RANBP3L: variants seen among roughly 807,000 people sequenced by gnomAD.
The protein encoded by RANBP3L is RAN binding protein 3 like, also known as ran-binding protein 3-like.
A neutral mutation model predicts 67.2 loss-of-function variants in RANBP3L; 56 were observed. That is an observed-to-expected ratio of 0.83 (90% CI 0.67 to 1.04). The LOEUF is 1.04. Among genes scored for constraint, RANBP3L ranks in the 50% least tolerant of loss-of-function variants. The pLI, the probability that RANBP3L is intolerant of heterozygous loss-of-function variation, is 0.00. For missense variants in RANBP3L, 496 were observed against 535.5 expected (o/e 0.93, Z 0.73); for synonymous variants, 164 against 181.4 (o/e 0.90, Z 0.77).
intron 3 of RANBP3L, among the ~76,000 whole-genome samples, 178 bp from the exon 4 acceptor site, chr5:36,269,645 A>G (rs1418728995): frequency 6.6e-6 from 1 of 152,194 alleles, no homozygotes; most frequent in Non-Finnish European, 1.5e-5. Context: ...GGCATATCAT[A>G]CTAGTATGAA....
rs1393415752 is a variant in RANBP3L at position 36,251,444 on chromosome 5, G to A, written c.1223C>T (p.Ala408Val). 1.2e-6 allele frequency: 2 copies of A among 1,612,664 alleles called. No homozygotes were observed. The highest frequency in any genetic ancestry group is 2.2e-5 in the South Asian group (2 of 90,890). The stretch of plus-strand genomic sequence containing the variant: ...TCTCTGCTTATTGAAGCTTTGAAGT[G>A]CAACAAGACGATGATGTATTGCTGC... ...LYAAIHHRLV[A>V]LQSFNKQRDV... The change falls in exon 13 of 14, where the codon GCA becomes GTA. Residue 408 changes from alanine to valine, a missense_variant. Transcript: ENST00000296604.
intron 1 of RANBP3L, among the ~76,000 whole-genome samples, chr5:36,294,034 A>G (rs886345231): frequency 8.6e-5 from 13 of 151,676 alleles, no homozygotes; most frequent in African/African-American, 3.2e-4. Context: ...CTCTTCCTGG[A>G]CTCTTTTTGG....
intron 1 of RANBP3L, among the ~76,000 whole-genome samples, chr5:36,299,089 A>C (rs541175292): frequency 1.8e-4 from 28 of 152,234 alleles, no homozygotes; most frequent in African/African-American, 6.5e-4. Context: ...AGGCAAAAAA[A>C]CGTGAAAAGG....
At chr5:36,276,733 AT>A (rs1320081940) in intron 1 of RANBP3L, among the ~76,000 whole-genome samples, 1 of 151,988 alleles carries the variant, frequency 6.6e-6, no homozygotes, top group Non-Finnish European at 1.5e-5. Flanking sequence ...TAACTGGAGG[AT>A]TTTTTTGCTG....
In RANBP3L at chr5:36,259,816, T is replaced by G. The variant is rs140284669; in HGVS notation, c.669+964A>C. Among the ~76,000 whole-genome samples the G allele has an allele frequency of 2.8e-4, 43 of 152,240 alleles. No homozygotes were observed. The East Asian group carries it at 8.3e-3, about 29-fold the overall frequency. ...CCAGATAAAACCATAGGCATGGTTT[T>G]CCACAGCTTTCACTTTTCTGTAAAA... On this transcript the variant is annotated intron_variant, in intron 8 of 13. Transcript: ENST00000296604.
intron 1 of RANBP3L, among the ~76,000 whole-genome samples, chr5:36,283,988 C>CT (rs547957841): frequency 0.036 from 5,293 of 145,560 alleles, 211 homozygotes; most frequent in East Asian, 0.15. Flanking sequence ...TCCTCACTTC[C>CT]TTTTTTTTTT....
At position 36,247,788 on chromosome 5, in the gene RANBP3L, T is replaced by G. The variant is rs1053145379; in HGVS notation, c.*1866A>C. On this transcript the variant is annotated 3_prime_UTR_variant, in exon 14 of 14. Transcript: ENST00000296604. ...AATCCCAGCTACTCAGGAGGCTGAGTGAGGCACGAGAATCCCTTGAACCCG... is the reference window on the plus strand; with the variant it reads ...AATCCCAGCTACTCAGGAGGCTGAGGGAGGCACGAGAATCCCTTGAACCCG... 6.6e-6 allele frequency among the ~76,000 whole-genome samples: 1 copy of G among 152,086 alleles called. No individual in the cohort carries two copies. The highest frequency in any genetic ancestry group is 6.5e-5 in the Admixed American group (1 of 15,274).
intron 8 of RANBP3L, among the ~76,000 whole-genome samples, chr5:36,259,725 T>C (rs1394233334): frequency 2.0e-5 from 3 of 152,292 alleles, no homozygotes; most frequent in South Asian, 2.1e-4. Context: ...GCTAGGCACG[T>C]TCGAGCTATC....
chr5:36,279,140 A>C (rs1287539187), intron 1 of RANBP3L, among the ~76,000 whole-genome samples: 1 of 152,208 alleles, frequency 6.6e-6, no homozygotes, highest in Non-Finnish European at 1.5e-5. Context: ...GAGGAGATAC[A>C]GAAAGTCAGA....
At chr5:36,267,317 G>C (rs1749871705) in intron 4 of RANBP3L, among the ~76,000 whole-genome samples, 1 of 152,072 alleles carries the variant, frequency 6.6e-6, no homozygotes, top group South Asian at 2.1e-4. Context: ...AACCATCCTG[G>C]CCGAAATGGT....
At chr5:36,283,349 C>T (rs1453235366) in intron 1 of RANBP3L, among the ~76,000 whole-genome samples, 1 of 150,880 alleles carries the variant, frequency 6.6e-6, no homozygotes. Context: ...TGAGCCACCA[C>T]ACCCAGCACG....
intron 1 of RANBP3L, among the ~76,000 whole-genome samples, chr5:36,286,832 C>T (rs983861510): frequency 6.6e-6 from 1 of 152,112 alleles, no homozygotes; most frequent in Non-Finnish European, 1.5e-5. Context: ...GTGGCATGAC[C>T]CACTCCCTCA....
Position 36,293,758 on chromosome 5 carries a change from A to G in RANBP3L, c.91+7568T>C, listed in dbSNP as rs983507119. Among the ~76,000 whole-genome samples the G allele has an allele frequency of 6.4e-3, 956 of 149,196 alleles. 4 individuals carry two copies. The highest frequency in any genetic ancestry group is 9.9e-3 in the Non-Finnish European group (667 of 67,234). ...GCATCCCAGGGATGAAGCCCACTTG[A>G]TCATGGTGGATAAGCTTTTTGATAT... On this transcript the variant is annotated intron_variant, in intron 1 of 13. Transcript: ENST00000296604.
At position 36,248,729 on chromosome 5, in the gene RANBP3L, T is replaced by C. The variant is rs1036236468; in HGVS notation, c.*925A>G. 1 of 152,178 alleles carries C rather than the reference T, an allele frequency of 6.6e-6. No homozygotes were observed. The highest frequency in any genetic ancestry group is 2.4e-5 in the African/African-American group (1 of 41,454). 9.4% of individuals were successfully genotyped at this position (152,178 alleles called of 1,614,324 possible). ...TGAATTGAAAAATGAAATAGGGCTATAAGTACTGAGACTAATTTTCTTGTG... is the reference window on the plus strand; with the variant it reads ...TGAATTGAAAAATGAAATAGGGCTACAAGTACTGAGACTAATTTTCTTGTG... On this transcript the variant is annotated 3_prime_UTR_variant, in exon 14 of 14. Coordinates refer to ENST00000296604, the MANE Select transcript of RANBP3L (RefSeq NM_145000.5).
rs1748381802 is a variant in RANBP3L at position 36,248,051 on chromosome 5, A to C, written c.*1603T>G. Among the ~76,000 whole-genome samples the C allele has an allele frequency of 6.6e-6, 1 of 152,216 alleles. No homozygotes were observed. Among genetic ancestry groups the C allele is most frequent in the Non-Finnish European group, 1.5e-5 (1 of 68,032 alleles). On this transcript the variant is annotated 3_prime_UTR_variant, in exon 14 of 14. Transcript: ENST00000296604. ...ATCTCTCTGTGTTATGTTTCTAATG[A>C]AAATTTTCTGCTGAGTGTGTTCCGC... is the stretch of plus-strand genomic sequence containing the variant.
At chr5:36,263,891 A>G (rs2111792986) in intron 6 of RANBP3L, among the ~76,000 whole-genome samples, 1 of 152,378 alleles carries the variant, frequency 6.6e-6, no homozygotes, top group Admixed American at 6.5e-5. Context: ...ATTATATTTA[A>G]GTGAAAACAA....
At chr5:36,279,870 T>A (rs958858064) in intron 1 of RANBP3L, among the ~76,000 whole-genome samples, 1 of 152,078 alleles carries the variant, frequency 6.6e-6, no homozygotes, top group Admixed American at 6.6e-5. Flanking sequence ...AGAATCAACA[T>A]GTGAAAAAAA....
At chr5:36,277,444 G>C (rs1559235) in intron 1 of RANBP3L, among the ~76,000 whole-genome samples, 1 of 58,418 alleles carries the variant, frequency 1.7e-5, no homozygotes, top group African/African-American at 1.1e-4. Context: ...ATATATATGT[G>C]TGTGTGTGTG....
At chr5:36,269,741 G>A (rs1229203344) in intron 3 of RANBP3L, among the ~76,000 whole-genome samples, 1 of 152,134 alleles carries the variant, frequency 6.6e-6, no homozygotes, top group Admixed American at 6.5e-5. Context: ...TAAGGGGCAG[G>A]GAGTGGAGCA....
Sources: allele counts gnomAD v4.1 joint callset (sites outside exome capture counted in the v4.1 genomes callset), GRCh38; gene constraint gnomAD v4.1.1; transcripts MANE v1.5; gene names NCBI Gene and HGNC (gene_info 2026-07-23, HGNC 2026-07-21).